Variants in CCDC91 observed in about 807,000 individuals in gnomAD.
CCDC91 encodes coiled-coil domain containing 91.
A neutral mutation model predicts 63.2 loss-of-function variants in CCDC91; 48 were observed. The observed-to-expected ratio is 0.76, with a 90% confidence interval of 0.60 to 0.97. The LOEUF (loss-of-function observed/expected upper bound fraction) is 0.97, where lower values mean the gene tolerates loss of function less well. Ranked by LOEUF, CCDC91 falls within the 50% of genes least tolerant of loss-of-function variation. CCDC91 has a pLI of 0.00. For synonymous variants in CCDC91, 167 were observed against 165.8 expected (o/e 1.01, Z -0.06); for missense variants, 500 against 494.6 (o/e 1.01, Z -0.10).
At chr12:28,527,673 G>A (rs369449651) in intron 12 of CCDC91, among the ~76,000 whole-genome samples, 98 of 152,308 alleles carry the variant, frequency 6.4e-4, no homozygotes, top group East Asian at 2.9e-3. Flanking sequence ...AAGAGTATAT[G>A]CCCATTGTCT....
chr12:28,504,116 T>C (rs1427374223), intron 12 of CCDC91, among the ~76,000 whole-genome samples: 2 of 143,852 alleles, frequency 1.4e-5, no homozygotes, highest in Admixed American at 1.4e-4. Context: ...TAAAAAAGAC[T>C]CCAACTCCAA....
chr12:28,280,983 TAAATA>T (rs746558503), intron 3 of CCDC91, among the ~76,000 whole-genome samples: 1 of 151,578 alleles, frequency 6.6e-6, no homozygotes, highest in Non-Finnish European at 1.5e-5. Flanking sequence ...TCTAAAAAAA[TAAATA>T]AATAAAAAGA....
At chr12:28,432,769 C>G (rs957308966) in intron 8 of CCDC91, among the ~76,000 whole-genome samples, 4 of 152,044 alleles carry the variant, frequency 2.6e-5, no homozygotes, top group Non-Finnish European at 5.9e-5. Flanking sequence ...TATGTTGAAA[C>G]CACATTTAGT....
chr12:28,499,711 A>T (rs550176690), intron 12 of CCDC91, among the ~76,000 whole-genome samples: 1 of 152,258 alleles, frequency 6.6e-6, no homozygotes, highest in East Asian at 1.9e-4. Context: ...TCCATGGTGT[A>T]TATGTGCCAC....
At chr12:28,523,058 G>C (rs1940888665) in intron 12 of CCDC91, among the ~76,000 whole-genome samples, 1 of 152,134 alleles carries the variant, frequency 6.6e-6, no homozygotes, top group African/African-American at 2.4e-5. Flanking sequence ...CTGTTGATTT[G>C]GGGTGGAGAG....
intron 7 of CCDC91, among the ~76,000 whole-genome samples, chr12:28,375,877 G>C (rs1330715584): frequency 6.6e-6 from 1 of 151,768 alleles, no homozygotes; most frequent in African/African-American, 2.4e-5. Flanking sequence ...TATCTATTAT[G>C]TAGAGTATCA....
chr12:28,263,034 C>T (rs1299627961), intron 3 of CCDC91, among the ~76,000 whole-genome samples: 1 of 151,846 alleles, frequency 6.6e-6, no homozygotes, highest in East Asian at 1.9e-4. Context: ...TTGTCTGTTC[C>T]TATATTTTTG....
chr12:28,397,957 A>AAGGGATT (rs1946390873), intron 8 of CCDC91, among the ~76,000 whole-genome samples: 1 of 152,156 alleles, frequency 6.6e-6, no homozygotes, highest in Non-Finnish European at 1.5e-5. Flanking sequence ...CCTTAGAGTT[A>AAGGGATT]CAAGTACTTT....
intron 11 of CCDC91, among the ~76,000 whole-genome samples, 169 bp downstream of exon 11, chr12:28,452,823 A>T (rs1325160333): frequency 6.6e-6 from 1 of 151,756 alleles, no homozygotes; most frequent in Non-Finnish European, 1.5e-5. Flanking sequence ...ATCATTTTTA[A>T]TATTTTAATG....
chr12:28,425,143 A>C (rs1948237342), intron 8 of CCDC91, among the ~76,000 whole-genome samples: 1 of 152,182 alleles, frequency 6.6e-6, no homozygotes, highest in Admixed American at 6.5e-5. Flanking sequence ...CTTGGTGCAC[A>C]GCCAATACAT....
chr12:28,291,887 C>T (rs1364520532), intron 3 of CCDC91, among the ~76,000 whole-genome samples: 1 of 152,106 alleles, frequency 6.6e-6, no homozygotes, highest in East Asian at 1.9e-4. Context: ...GATGATTGCT[C>T]TCAATTGGTT....
chr12:28,463,794 C>A (rs1001431396), intron 11 of CCDC91, among the ~76,000 whole-genome samples: 1 of 151,878 alleles, frequency 6.6e-6, no homozygotes, highest in African/African-American at 2.4e-5. Flanking sequence ...GAACAAAAAA[C>A]TTTTTTTTGA....
intron 3 of CCDC91, among the ~76,000 whole-genome samples, chr12:28,299,965 A>G (rs1471973333): frequency 1.3e-5 from 2 of 150,310 alleles, no homozygotes; most frequent in African/African-American, 4.9e-5. Flanking sequence ...ATTTATTAGG[A>G]ATATTGGCCC....
intron 6 of CCDC91, among the ~76,000 whole-genome samples, chr12:28,334,040 A>ATGTGTG (rs148910206): frequency 2.2e-4 from 33 of 148,518 alleles, no homozygotes; most frequent in Admixed American, 6.1e-4. Context: ...GGCAGAATTT[A>ATGTGTG]TGTGTGTGTG....
At chr12:28,538,856 A>G (rs979322194) in intron 12 of CCDC91, among the ~76,000 whole-genome samples, 10 of 152,206 alleles carry the variant, frequency 6.6e-5, no homozygotes, top group Non-Finnish European at 1.5e-4. Context: ...TCTGATGGCC[A>G]GTGATGATGA....
chr12:28,523,671 G>T (rs1208782110), intron 12 of CCDC91, among the ~76,000 whole-genome samples: 1 of 152,048 alleles, frequency 6.6e-6, no homozygotes, highest in African/African-American at 2.4e-5. Context: ...TCCTAGCATC[G>T]ATGGTCTTTA....
At chr12:28,347,197 A>C (rs1037805245) in intron 6 of CCDC91, among the ~76,000 whole-genome samples, 2 of 152,224 alleles carry the variant, frequency 1.3e-5, no homozygotes, top group African/African-American at 4.8e-5. Context: ...CAATCTTCTC[A>C]GATTCCAGAA....
At chr12:28,329,271 G>A (rs1941288012) in intron 6 of CCDC91, among the ~76,000 whole-genome samples, 1 of 152,044 alleles carries the variant, frequency 6.6e-6, no homozygotes, top group African/African-American at 2.4e-5. Flanking sequence ...ATGTCCTTTG[G>A]TTGACTTTCC....
rs1944825876 is a variant in CCDC91 at position 28,374,546 on chromosome 12, TA to T, written c.654+12035del. Among the ~76,000 whole-genome samples the T allele has an allele frequency of 3.3e-5, 5 of 152,322 alleles. No homozygotes were observed. The South Asian group carries it at 1.0e-3, about 32-fold the overall frequency. On this transcript the variant is annotated intron_variant, in intron 7 of 12. Coordinates refer to ENST00000536442, the MANE Select transcript of CCDC91 (RefSeq NM_018318.5). ...TTTATTTTCCTCATGGATAATCGGA[TA>T]AAACAATATCCTAAAGCACATTTTT...
Sources: gnomAD v4.1 joint callset for allele counts (sites outside exome capture counted in the v4.1 genomes callset) on GRCh38, gnomAD v4.1.1 for gene constraint, MANE v1.5 for transcripts, NCBI Gene and HGNC (gene_info 2026-07-23, HGNC 2026-07-21) for gene names.